DDX1: variants seen among roughly 807,000 people sequenced by gnomAD.
DDX1 encodes the protein ATP-dependent RNA helicase DDX1.
DDX1 carries 28 observed loss-of-function variants against 108.7 expected under a neutral mutation model. The observed-to-expected ratio is 0.26, with a 90% CI of 0.19 to 0.35. The LOEUF (loss-of-function observed/expected upper bound fraction) is 0.35. DDX1 is among the 10% of genes least tolerant of loss of function. The probability of loss-of-function intolerance (pLI) is 1.00; values close to 1 mark genes in which losing one functional copy is unlikely to be tolerated. For synonymous variants in DDX1, 295 were observed against 288.9 expected, an observed-to-expected ratio of 1.02 and a Z score of -0.21; for missense variants, 710 against 884.5, an observed-to-expected ratio of 0.80 and a Z score of 2.50.
At chr2:15,621,632 TC>T (rs1338078899) in intron 18 of DDX1, among the ~76,000 whole-genome samples, 1 of 151,274 alleles carries the variant, frequency 6.6e-6, no homozygotes, top group Non-Finnish European at 1.5e-5. Context: ...GATGTTAGTC[TC>T]CTGGCATCTA....
intron 14 of DDX1, among the ~76,000 whole-genome samples, chr2:15,614,150 A>T (rs544194260): frequency 6.6e-6 from 1 of 152,206 alleles, no homozygotes; most frequent in Non-Finnish European, 1.5e-5. Flanking sequence ...ACTGTTTATC[A>T]GTTCTGTGAA....
intron 1 of DDX1, among the ~76,000 whole-genome samples, chr2:15,593,638 A>C (rs1276317016): frequency 6.6e-6 from 1 of 152,164 alleles, no homozygotes; most frequent in East Asian, 1.9e-4. Context: ...GTAAGAACAC[A>C]CCACTCCTTT....
rs754931909 is a variant in DDX1, at chr2:15,599,691, C to T, written c.282C>T (p.Asn94=). 4 of 1,605,338 alleles carry T rather than the reference C, an allele frequency of 2.5e-6. No homozygotes were observed. The highest frequency in any genetic ancestry group is 2.7e-5 in the African/African-American group (2 of 74,382). Residue 94 remains asparagine (N), a synonymous_variant, in exon 6 of 26, where the codon AAC becomes AAT. Coordinates refer to ENST00000233084, the MANE Select transcript of DDX1 (RefSeq NM_004939.3). ...GASVLNKWQM[N]PYDRGSAFAI... is the part of the protein sequence containing the mutation. The stretch of plus-strand genomic sequence containing the variant: ...TAGTGCTGAACAAATGGCAGATGAA[C>T]CCATATGACAGAGGATCTGCTTTTG...
chr2:15,621,958 A>C (rs376207637), intron 18 of DDX1, among the ~76,000 whole-genome samples: 72 of 152,334 alleles, frequency 4.7e-4, no homozygotes, highest in African/African-American at 1.7e-3. Flanking sequence ...CCAGCCACAA[A>C]TATTTTTGAT....
chr2:15,600,740 C>CTTTTTTTTTTTTTT, intron 6 of DDX1, among the ~76,000 whole-genome samples: 2 of 73,546 alleles, frequency 2.7e-5, no homozygotes, highest in Non-Finnish European at 4.7e-5. Context: ...TTTGCATTTT[C>CTTTTTTTTTTTTTT]TTTTTTTTTT....
intron 21 of DDX1, 60 bp from the exon 22 acceptor site, chr2:15,628,578 T>G: frequency 6.3e-7 from 1 of 1,596,534 alleles, no homozygotes; most frequent in South Asian, 1.1e-5. Flanking sequence ...TAAAGCCTTC[T>G]AATATGTTTG....
At chr2:15,609,967 A>G (rs1665726242) in intron 13 of DDX1, among the ~76,000 whole-genome samples, 2 of 152,052 alleles carry the variant, frequency 1.3e-5, no homozygotes, top group Admixed American at 6.6e-5. Context: ...ATGAGGTCTC[A>G]CTCTGTCACC....
At chr2:15,594,083 A>G (rs1276151224) in intron 1 of DDX1, among the ~76,000 whole-genome samples, 1 of 151,932 alleles carries the variant, frequency 6.6e-6, no homozygotes, top group Non-Finnish European at 1.5e-5. Flanking sequence ...CTCAAAAAAA[A>G]ACAAAAGAAA....
intron 7 of DDX1, 35 bp downstream of exon 7, chr2:15,602,666 T>C (rs915470157): frequency 2.1e-6 from 3 of 1,455,034 alleles, no homozygotes; most frequent in Non-Finnish European, 2.9e-6. Flanking sequence ...TATAAACTTT[T>C]GAGGCAAGGT....
At chr2:15,628,346 G>T in intron 20 of DDX1, 99 bp from the exon 21 acceptor site, 1 of 861,894 alleles carries the variant, frequency 1.2e-6, no homozygotes. Context: ...AGTAACACTT[G>T]AGTTTTTAGA....
At chr2:15,592,785 C>T (rs1449390004) in intron 1 of DDX1, among the ~76,000 whole-genome samples, 2 of 151,932 alleles carry the variant, frequency 1.3e-5, no homozygotes, top group Non-Finnish European at 2.9e-5. Flanking sequence ...CACGTTAGGC[C>T]TAATGTCCTT....
intron 18 of DDX1, among the ~76,000 whole-genome samples, chr2:15,621,667 T>G (rs560551964): frequency 1.9e-3 from 283 of 152,186 alleles, no homozygotes; most frequent in African/African-American, 6.4e-3. Flanking sequence ...TTTTTTGTTT[T>G]TTTGAGACAC....
intron 13 of DDX1, among the ~76,000 whole-genome samples, chr2:15,608,663 G>GTTTTTTTTTTTT (rs569566545): frequency 9.4e-6 from 1 of 106,726 alleles, no homozygotes; most frequent in African/African-American, 3.7e-5. Flanking sequence ...TTTTTTTTAG[G>GTTTTTTTTTTTT]TTTTTTTTTT....
In DDX1 at chr2:15,604,454, T is replaced by A. The variant is rs909758200; in HGVS notation, c.570T>A (p.Asp190Glu). 1 of 1,610,268 alleles carries A rather than the reference T, an allele frequency of 6.2e-7. No homozygotes were observed. Among genetic ancestry groups the A allele is most frequent in the Non-Finnish European group, 8.5e-7 (1 of 1,176,872 alleles). Residue 190 changes from aspartate to glutamate, a missense_variant, in exon 10 of 26, where the codon GAT becomes GAA. Asp to Glu is a conservative substitution (Grantham distance 45, BLOSUM62 2). Coordinates refer to ENST00000233084, the MANE Select transcript of DDX1 (RefSeq NM_004939.3). ...DNYGEEFTMH[D>E]TIGCYLDIDK... Reference sequence around the variant, plus strand: ...TGTTCTAGGAATTCACTATGCATGATACCATTGGATGTTACCTGGATATAG... The same window carrying A: ...TGTTCTAGGAATTCACTATGCATGAAACCATTGGATGTTACCTGGATATAG...
At chr2:15,597,249 TGTA>T (rs1665517413) in intron 4 of DDX1, 123 bp from the exon 5 acceptor site, 1 of 654,674 alleles carries the variant, frequency 1.5e-6, no homozygotes, top group Non-Finnish European at 2.6e-6. Context: ...TAAATGAAAT[TGTA>T]GTAGCAATCT....
intron 13 of DDX1, among the ~76,000 whole-genome samples, chr2:15,612,466 G>C: frequency 6.6e-6 from 1 of 151,560 alleles, no homozygotes; most frequent in Non-Finnish European, 1.5e-5. Flanking sequence ...GGGAAGAGGT[G>C]CTCCTCACTT....
chr2:15,609,287 T>A (rs1354417197), intron 13 of DDX1, among the ~76,000 whole-genome samples: 1 of 152,220 alleles, frequency 6.6e-6, no homozygotes, highest in Non-Finnish European at 1.5e-5. Context: ...TAAAATCAAT[T>A]TATTGGTTAA....
chr2:15,621,139 G>A, intron 18 of DDX1, 23 bp downstream of exon 18: 3 of 1,571,740 alleles, frequency 1.9e-6, no homozygotes, highest in Non-Finnish European at 1.7e-6. Context: ...AGTCAAATGT[G>A]TTGAAAGATT....
At position 15,630,032 on chromosome 2, in the gene DDX1, C is replaced by G; in HGVS notation, c.2014C>G (p.Gln672Glu). 2 of 1,612,700 alleles carry G rather than the reference C, an allele frequency of 1.2e-6. No individual in the cohort carries two copies. The highest frequency in any genetic ancestry group is 1.7e-6 in the Non-Finnish European group (2 of 1,178,970). Residue 672 changes from glutamine (Q) to glutamate (E), a missense_variant, in exon 25 of 26, where the codon CAG becomes GAG. Coordinates refer to ENST00000233084, the MANE Select transcript of DDX1 (RefSeq NM_004939.3). ...AGAACACCTGAACTGTACCATTTCT[C>G]AGGTTGAGCCGGATATAAAGGTACC... ...IEEHLNCTIS[Q>E]VEPDIKVPVD... is the part of the protein sequence containing the mutation.
Sources: gnomAD v4.1 joint callset for allele counts (sites outside exome capture counted in the v4.1 genomes callset) on GRCh38, gnomAD v4.1.1 for gene constraint, MANE v1.5 for transcripts, NCBI Gene and HGNC (gene_info 2026-07-23, HGNC 2026-07-21) for gene names.